Variants in TCTN1 observed in about 807,000 individuals in gnomAD.
The protein encoded by TCTN1 is tectonic family member 1, also known as tectonic-1.
In TCTN1, 58 loss-of-function variants were observed where a neutral mutation model predicts 65.8. That is an observed-to-expected ratio of 0.88 (90% CI 0.71 to 1.10). The LOEUF is 1.10. Ranked by LOEUF, TCTN1 falls within the 50% of genes least tolerant of loss-of-function variation. The pLI is 0.00. For missense variants in TCTN1, 645 were observed against 719.4 expected, an observed-to-expected ratio of 0.90 and a Z score of 1.18; for synonymous variants, 273 against 289.1, an observed-to-expected ratio of 0.94 and a Z score of 0.57.
Position 110,640,301 on chromosome 12 carries a change from G to C in TCTN1, c.844-82G>C. On this transcript the variant is annotated intron_variant, in intron 7 of 14. Coordinates refer to ENST00000397659, the MANE Select transcript of TCTN1 (RefSeq NM_001082538.3). This position sits in a 1 kb window ranked among gnomAD's most constrained non-coding sequence, Gnocchi z 4.9. ...CCCTACTTGGCCATATATCAGGGGAGGTTTCTTTCCAGTTGGTTGGTTATT... is the reference window on the plus strand; with the variant it reads ...CCCTACTTGGCCATATATCAGGGGACGTTTCTTTCCAGTTGGTTGGTTATT... 1 of 1,579,844 alleles carries C rather than the reference G, an allele frequency of 6.3e-7. No homozygotes were observed. Among genetic ancestry groups the C allele is most frequent in the Non-Finnish European group, 8.7e-7 (1 of 1,151,312 alleles).
Position 110,619,906 on chromosome 12 carries a change from C to A in TCTN1, c.291C>A (p.Cys97Ter), listed in dbSNP as rs756318753. ...CDINCCCDPDCSSVDFSVFSA... is the reference protein window; with the variant it reads ...CDINCCCDPD ...TCAACTGCTGCTGTGATCCCGACTG[C>A]AGCTCCGTGGATTTCAGTGTCTTTT... Residue 97 changes from cysteine (C) to a stop codon, truncating the protein, a stop_gained, in exon 2 of 15, where the codon TGC becomes TGA. Transcript: ENST00000397659. LOFTEE classifies it high-confidence loss of function. 6.2e-7 allele frequency: 1 copy of A among 1,614,130 alleles called. No homozygotes were observed. Among genetic ancestry groups the A allele is most frequent in the Admixed American group, 1.7e-5 (1 of 59,976 alleles).
At chr12:110,624,201 C>T (rs2065661056) in intron 2 of TCTN1, among the ~76,000 whole-genome samples, 1 of 150,502 alleles carries the variant, frequency 6.6e-6, no homozygotes, top group Admixed American at 6.7e-5. Context: ...GCATTGTAGG[C>T]GTGAGCCACT....
At chr12:110,636,652 A>G (rs990125407) in intron 7 of TCTN1, 151 bp downstream of exon 7, 7 of 535,368 alleles carry the variant, frequency 1.3e-5, no homozygotes, top group South Asian at 2.0e-5. Flanking sequence ...GCAGAAGTGC[A>G]ATAGGGAAAC....
Position 110,640,265 on chromosome 12 carries a change from A to C in TCTN1, c.844-118A>C. The stretch of plus-strand genomic sequence containing the variant: ...GATCATAGTATATACACTGTTGTGT[A>C]GCATGCTTCCCCCTACTTGGCCATA... On this transcript the variant is annotated intron_variant, in intron 7 of 14. Coordinates refer to ENST00000397659, the MANE Select transcript of TCTN1 (RefSeq NM_001082538.3). The surrounding 1 kb of genome is among the most constrained non-coding windows in gnomAD (Gnocchi z 4.9). The C allele has an allele frequency of 1.9e-5, 22 of 1,133,578 alleles. No individual in the cohort carries two copies. Among genetic ancestry groups the C allele is most frequent in the South Asian group, 2.6e-5 (2 of 77,312 alleles). 70.2% of individuals were successfully genotyped at this position (1,133,578 alleles called of 1,614,324 possible). A position where few individuals can be genotyped will look rare whatever the true frequency, so the allele number is the denominator to read the frequency against.
At chr12:110,621,968 T>G (rs2065459966) in intron 2 of TCTN1, among the ~76,000 whole-genome samples, 1 of 151,786 alleles carries the variant, frequency 6.6e-6, no homozygotes, top group Non-Finnish European at 1.5e-5. Flanking sequence ...TGAAACCCCG[T>G]GTCTACTAAA....
intron 14 of TCTN1, chr12:110,648,718 G>T (rs887239134): frequency 2.0e-5 from 5 of 247,866 alleles, no homozygotes; most frequent in African/African-American, 9.5e-5. Context: ...ACTGTAGCTA[G>T]CTTGCTCTCC....
At chr12:110,626,702 A>G (rs983472732) in intron 3 of TCTN1, among the ~76,000 whole-genome samples, 10 of 148,418 alleles carry the variant, frequency 6.7e-5, no homozygotes, top group Non-Finnish European at 1.3e-4. Flanking sequence ...GCCTCAGCCT[A>G]CTGAGTAGCT....
intron 3 of TCTN1, chr12:110,627,973 A>G: frequency 2.1e-6 from 3 of 1,413,484 alleles, no homozygotes; most frequent in Non-Finnish European, 2.9e-6. Flanking sequence ...ATAACTGGCC[A>G]GTGACTGTCA....
intron 7 of TCTN1, among the ~76,000 whole-genome samples, chr12:110,637,617 A>G (rs1225958016): frequency 6.6e-6 from 1 of 152,214 alleles, no homozygotes; most frequent in Admixed American, 6.5e-5. Context: ...TGGTTGGAGC[A>G]GGGATGGGGC....
chr12:110,629,381 A>T (rs1307929382), intron 4 of TCTN1: 4 of 158,728 alleles, frequency 2.5e-5, no homozygotes, highest in African/African-American at 9.6e-5. Flanking sequence ...ATCTACAAGG[A>T]ACTTAAATAA....
intron 14 of TCTN1, chr12:110,648,690 G>A (rs2067584247): frequency 4.6e-6 from 1 of 215,990 alleles, no homozygotes. Flanking sequence ...GGGTCTAATT[G>A]CCATTTCTGC....
At chr12:110,633,047 CAG>C (rs964874505) in intron 5 of TCTN1, among the ~76,000 whole-genome samples, 6 of 152,294 alleles carry the variant, frequency 3.9e-5, no homozygotes, top group African/African-American at 1.2e-4. Context: ...GAGCAGGAAA[CAG>C]AGATGTACAG....
In TCTN1 at chr12:110,647,883, G is replaced by A. The variant is rs370246838; in HGVS notation, c.1770G>A (p.Pro590=). The stretch of plus-strand genomic sequence containing the variant: ...GGCTGCCCTTTAACTTCTTCTTCCC[G>A]TTTGTTTGACGTAAGTGAGGAAACT... ...NARLPFNFFF[P]FV Residue 590 remains proline (P), a synonymous_variant, in exon 14 of 15, where the codon CCG becomes CCA. Transcript: ENST00000397659. 8.1e-6 allele frequency: 13 copies of A among 1,613,420 alleles called. No individual in the cohort carries two copies. Among genetic ancestry groups the A allele is most frequent in the South Asian group, 2.2e-5 (2 of 91,066 alleles).
Position 110,644,849 on chromosome 12 carries a change from G to A in TCTN1, c.1332-118G>A. On this transcript the variant is annotated intron_variant, in intron 11 of 14. Coordinates refer to ENST00000397659, the MANE Select transcript of TCTN1 (RefSeq NM_001082538.3). The surrounding 1 kb of genome is among the most constrained non-coding windows in gnomAD (Gnocchi z 4.6). ...CCACTGCACTCCAGCTTGGGCATCAGAGTGAGACCTTATCTCAAAAATAAA... is the reference window on the plus strand; with the variant it reads ...CCACTGCACTCCAGCTTGGGCATCAAAGTGAGACCTTATCTCAAAAATAAA... 2 of 1,376,334 alleles carry A rather than the reference G, an allele frequency of 1.5e-6. No individual in the cohort carries two copies. The highest frequency in any genetic ancestry group is 4.5e-4 in the Middle Eastern group (2 of 4,422). The allele number at this position is 1,376,334 out of a possible 1,614,324, so 85.3% of individuals were successfully genotyped here. A position where few individuals can be genotyped will look rare whatever the true frequency, so the allele number is the denominator to read the frequency against.
Position 110,640,339 on chromosome 12 carries a change from C to T in TCTN1, c.844-44C>T. On this transcript the variant is annotated intron_variant, in intron 7 of 14. Coordinates refer to ENST00000397659, the MANE Select transcript of TCTN1 (RefSeq NM_001082538.3). The surrounding 1 kb of genome is among the most constrained non-coding windows in gnomAD (Gnocchi z 4.9). ...TTGGTTGGTTATTTTAGCCCATCCTCCCTGGGTAGAGCATCTTCAACACTC... is the reference window on the plus strand; with the variant it reads ...TTGGTTGGTTATTTTAGCCCATCCTTCCTGGGTAGAGCATCTTCAACACTC... 1 of 1,613,890 alleles carries T rather than the reference C, an allele frequency of 6.2e-7. No individual in the cohort carries two copies. The highest frequency in any genetic ancestry group is 8.5e-7 in the Non-Finnish European group (1 of 1,179,912).
In TCTN1 at chr12:110,629,165, C is replaced by T. The variant is rs146216410; in HGVS notation, c.624+247C>T. ...CCCTAGAAGAAAACCCAGGCAATAC[C>T]ATTCAGGACATAGACATGGGCAAAG... On this transcript the variant is annotated intron_variant, in intron 4 of 14. Coordinates refer to ENST00000397659, the MANE Select transcript of TCTN1 (RefSeq NM_001082538.3). The T allele has an allele frequency of 2.2e-4, 129 of 589,812 alleles. No homozygotes were observed. In the African/African-American group the frequency reaches 2.3e-3, roughly 10 times the overall value. The allele number at this position is 589,812 out of a possible 1,614,324, so 36.5% of individuals were successfully genotyped here.
At chr12:110,622,612 C>T (rs1051057575) in intron 2 of TCTN1, among the ~76,000 whole-genome samples, 6 of 151,820 alleles carry the variant, frequency 4.0e-5, no homozygotes, top group African/African-American at 1.2e-4. Flanking sequence ...GAGGGAACTG[C>T]GTGGACAGAG....
rs1000743230 is a variant in TCTN1 at position 110,649,028 on chromosome 12, TTTTC to T, written c.*2-6_*2-3del. 1.4e-5 allele frequency: 7 copies of T among 487,550 alleles called. No individual in the cohort carries two copies. Among genetic ancestry groups the T allele is most frequent in the African/African-American group, 3.9e-5 (2 of 50,930 alleles). The allele number at this position is 487,550 out of a possible 1,614,324, so 30.2% of individuals were successfully genotyped here. A position where few individuals can be genotyped will look rare whatever the true frequency, so the allele number is the denominator to read the frequency against. On this transcript the variant is annotated splice_polypyrimidine_tract_variant and intron_variant, in intron 14 of 14. Coordinates refer to ENST00000397659, the MANE Select transcript of TCTN1 (RefSeq NM_001082538.3). Reference sequence around the variant, plus strand: ...TGGGGTGGCAGCTAAAGTAGCTTCTTTTTCTTTCTTTCAGAATGCTCAGATGCAT... The same window carrying T: ...TGGGGTGGCAGCTAAAGTAGCTTCTTTTTCTTTCAGAATGCTCAGATGCAT...
Position 110,634,747 on chromosome 12 carries a change from A to G in TCTN1, c.790A>G (p.Met264Val). Reference protein sequence around the residue: ...EQCEEIEALSMAFYSSPEILR... With the variant: ...EQCEEIEALSVAFYSSPEILR... ...GTGTGAAGAAATTGAAGCCCTCAGC[A>G]TGGCTTTTTACAGCAGCCCGGAAAT... is the stretch of plus-strand genomic sequence containing the variant. The change falls in exon 6 of 15, where the codon ATG (methionine) becomes GTG (valine). Residue 264 changes from methionine to valine, a missense_variant. By Grantham distance (21) the Met-to-Val change is conservative. Transcript: ENST00000397659. The G allele has an allele frequency of 2.5e-6, 4 of 1,611,866 alleles. No homozygotes were observed. The highest frequency in any genetic ancestry group is 1.3e-5 in the African/African-American group (1 of 75,042).
Sources: gnomAD v4.1 joint callset for allele counts (sites outside exome capture counted in the v4.1 genomes callset) on GRCh38, gnomAD v4.1.1 for gene constraint, Gnocchi (gnomAD v3.1) non-coding constraint, MANE v1.5 for transcripts, NCBI Gene and HGNC (gene_info 2026-07-23, HGNC 2026-07-21) for gene names.